CAPN5: variants seen among roughly 807,000 people sequenced by gnomAD.
CAPN5 encodes the protein calpain-5.
A neutral mutation model predicts 73.0 loss-of-function variants in CAPN5; 54 were observed. That is an observed-to-expected ratio of 0.74 (90% CI 0.59 to 0.93). The LOEUF (loss-of-function observed/expected upper bound fraction) is 0.93, where lower values mean the gene tolerates loss of function less well. Ranked by LOEUF, CAPN5 falls within the 40% of genes least tolerant of loss-of-function variation. CAPN5 has a pLI of 0.00. For missense variants in CAPN5, 785 were observed against 882.9 expected, an observed-to-expected ratio of 0.89 and a Z score of 1.41; for synonymous variants, 335 against 356.9, an observed-to-expected ratio of 0.94 and a Z score of 0.69.
chr11:77,116,111 C>T (rs782511585), intron 6 of CAPN5, 115 bp from the exon 7 acceptor site: 27 of 918,398 alleles, frequency 2.9e-5, no homozygotes, highest in African/African-American at 4.9e-5. Context: ...CACACCGTGC[C>T]GCTGGAGGCC....
rs973034384 is a variant in CAPN5, at chr11:77,117,736, C to A, written c.972-421C>A. Among the ~76,000 whole-genome samples, 5 of 152,324 alleles carry A rather than the reference C, an allele frequency of 3.3e-5. No individual in the cohort carries two copies. In the South Asian group the frequency reaches 1.0e-3, roughly 32 times the overall value. On this transcript the variant is annotated intron_variant, in intron 7 of 12. Transcript: ENST00000648180. ...GTTCCCACCATCCACTTACTCAGGCCTCTCAACAGCCATGGAAGATCCTGG... is the reference window on the plus strand; with the variant it reads ...GTTCCCACCATCCACTTACTCAGGCATCTCAACAGCCATGGAAGATCCTGG...
intron 2 of CAPN5, among the ~76,000 whole-genome samples, chr11:77,093,290 G>A (rs1317588272): frequency 1.3e-5 from 2 of 152,238 alleles, no homozygotes; most frequent in Non-Finnish European, 2.9e-5. Context: ...GCTGGCGGGG[G>A]TGGGCACTCA....
At position 77,122,704 on chromosome 11, in the gene CAPN5, A is replaced by G. The variant is rs782788546; in HGVS notation, c.1732A>G (p.Thr578Ala). 1.9e-6 allele frequency: 3 copies of G among 1,613,488 alleles called. No individual in the cohort carries two copies. The highest frequency in any genetic ancestry group is 2.5e-6 in the Non-Finnish European group (3 of 1,179,948). The change falls in exon 12 of 13, where the codon ACT becomes GCT. Residue 578 changes from threonine to alanine, a missense_variant. Transcript: ENST00000648180. ...FYRKKLSQPITVQVWNHRVLK... is the reference protein window; with the variant it reads ...FYRKKLSQPIAVQVWNHRVLK... ...CCGCAAGAAGCTGAGCCAGCCCATCACTGTACAGGTGAGCCCCCTGGTCCA... is the reference window on the plus strand; with the variant it reads ...CCGCAAGAAGCTGAGCCAGCCCATCGCTGTACAGGTGAGCCCCCTGGTCCA...
chr11:77,119,393 C>T (rs1950501509), intron 9 of CAPN5: 2 of 542,326 alleles, frequency 3.7e-6, no homozygotes, highest in Non-Finnish European at 3.3e-6. Flanking sequence ...GCCTAAGACC[C>T]ACAGGCCTGG....
chr11:77,116,617 TC>T (rs531286881), intron 7 of CAPN5, among the ~76,000 whole-genome samples: 1 of 152,106 alleles, frequency 6.6e-6, no homozygotes. Context: ...CACCAGGATC[TC>T]CCCGGCAAGG....
intron 1 of CAPN5, among the ~76,000 whole-genome samples, chr11:77,081,664 C>T (rs1950029688): frequency 6.6e-6 from 1 of 152,198 alleles, no homozygotes; most frequent in Non-Finnish European, 1.5e-5. Flanking sequence ...ATGCGGCCTG[C>T]TCAGGACAGC....
At chr11:77,085,113 C>T (rs2276029) in intron 2 of CAPN5, 62 bp downstream of exon 2, 403,065 of 1,469,658 alleles carry the variant, frequency 0.27, 55,590 homozygotes, top group African/African-American at 0.34. Flanking sequence ...CAAGGCTGGG[C>T]CTGCAGGGAC....
chr11:77,092,242 C>T (rs1463637090), intron 2 of CAPN5, among the ~76,000 whole-genome samples: 2 of 152,160 alleles, frequency 1.3e-5, no homozygotes, highest in African/African-American at 4.8e-5. Context: ...AAACAAAAAA[C>T]CCCAAAATCC....
chr11:77,121,032 C>A, intron 10 of CAPN5, 123 bp downstream of exon 10: 1 of 823,782 alleles, frequency 1.2e-6, no homozygotes. Flanking sequence ...GGGCTGATAC[C>A]AGTGCCCATC....
intron 2 of CAPN5, 39 bp from the exon 3 acceptor site, chr11:77,093,643 T>C: frequency 6.5e-7 from 1 of 1,531,122 alleles, no homozygotes; most frequent in Non-Finnish European, 8.8e-7. Flanking sequence ...ATCCGCATGC[T>C]CCTCCGCCCC....
intron 2 of CAPN5, among the ~76,000 whole-genome samples, chr11:77,087,591 T>C (rs1950101883): frequency 6.6e-6 from 1 of 152,170 alleles, no homozygotes; most frequent in South Asian, 2.1e-4. Context: ...TGGCCCTACC[T>C]TACTAGAAGT....
At chr11:77,071,976 C>A in intron 1 of CAPN5, among the ~76,000 whole-genome samples, 1 of 152,242 alleles carries the variant, frequency 6.6e-6, no homozygotes, top group East Asian at 1.9e-4. Flanking sequence ...ATGGCCAAGG[C>A]CACGCCATAC....
At chr11:77,082,757 C>T (rs1591114977) in intron 1 of CAPN5, among the ~76,000 whole-genome samples, 1 of 152,198 alleles carries the variant, frequency 6.6e-6, no homozygotes, top group African/African-American at 2.4e-5. Context: ...CTCCCAGCAG[C>T]GTTGGCCCCT....
At chr11:77,076,549 C>G (rs1949970466) in intron 1 of CAPN5, among the ~76,000 whole-genome samples, 1 of 152,170 alleles carries the variant, frequency 6.6e-6, no homozygotes, top group Admixed American at 6.5e-5. Context: ...CTGTTAACCA[C>G]CATTTTACCT....
Position 77,083,312 on chromosome 11 carries a change from C to T in CAPN5, c.-35-1540C>T, listed in dbSNP as rs530577059. 1.2e-4 allele frequency among the ~76,000 whole-genome samples: 19 copies of T among 152,252 alleles called. No homozygotes were observed. In the South Asian group the frequency reaches 2.3e-3, roughly 18 times the overall value. Reference sequence around the variant, plus strand: ...TCCATCTGTGCCCATGCTCACTGCCCGCGCTCGCCTCTTTCCTTTCCTGTC... The same window carrying T: ...TCCATCTGTGCCCATGCTCACTGCCTGCGCTCGCCTCTTTCCTTTCCTGTC... On this transcript the variant is annotated intron_variant, in intron 1 of 12. Coordinates refer to ENST00000648180, the MANE Select transcript of CAPN5 (RefSeq NM_004055.5).
At chr11:77,096,051 T>G (rs537578300) in intron 3 of CAPN5, among the ~76,000 whole-genome samples, 13 of 151,502 alleles carry the variant, frequency 8.6e-5, no homozygotes, top group African/African-American at 3.2e-4. Flanking sequence ...CTTCCGTCCC[T>G]CGTCCCTGTT....
chr11:77,080,382 T>C (rs1253400001), intron 1 of CAPN5, among the ~76,000 whole-genome samples: 1 of 152,168 alleles, frequency 6.6e-6, no homozygotes, highest in Admixed American at 6.5e-5. Context: ...TCCTTCGTTC[T>C]TATTATTCCC....
chr11:77,079,666 A>G (rs929088023), intron 1 of CAPN5, among the ~76,000 whole-genome samples: 2 of 152,218 alleles, frequency 1.3e-5, no homozygotes, highest in Non-Finnish European at 2.9e-5. Flanking sequence ...TTACTAGATT[A>G]TATGAACACA....
chr11:77,110,009 A>G (rs1256203306), intron 3 of CAPN5, among the ~76,000 whole-genome samples: 1 of 152,158 alleles, frequency 6.6e-6, no homozygotes, highest in Non-Finnish European at 1.5e-5. Flanking sequence ...TTCTCAGCTT[A>G]GGACTCCCTG....
Sources: allele counts gnomAD v4.1 joint callset (sites outside exome capture counted in the v4.1 genomes callset), GRCh38; gene constraint gnomAD v4.1.1; transcripts MANE v1.5; gene names NCBI Gene and HGNC (gene_info 2026-07-23, HGNC 2026-07-21).